CDKL5: variants seen among roughly 807,000 people sequenced by gnomAD.
CDKL5 encodes the protein cyclin-dependent kinase-like 5.
CDKL5 carries 8 observed loss-of-function variants against 61.7 expected under a neutral mutation model. That is an observed-to-expected ratio of 0.13 (90% confidence interval 0.08 to 0.23). The LOEUF (loss-of-function observed/expected upper bound fraction) is 0.23, where lower values mean the gene tolerates loss of function less well. Among genes scored for constraint, CDKL5 ranks in the 10% least tolerant of loss-of-function variants. The pLI is 1.00. For synonymous variants in CDKL5, 275 were observed against 272.3 expected, an observed-to-expected ratio of 1.01 and a Z score of -0.10; for missense variants, 440 against 734.5, an observed-to-expected ratio of 0.60 and a Z score of 4.63.
At position 18,630,704 on chromosome X, in the gene CDKL5, C is replaced by T; in HGVS notation, c.*1947C>T. The T allele has an allele frequency of 2.7e-6, 2 of 748,819 alleles. No homozygotes were observed. Among genetic ancestry groups the T allele is most frequent in the Non-Finnish European group, 3.1e-6 (2 of 635,399 alleles). The allele number at this position is 748,819 out of a possible 1,213,427, so 61.7% of individuals were successfully genotyped here. The stretch of plus-strand genomic sequence containing the variant: ...ATTTAATTTTAATGAGTGTAATAGG[C>T]ACTAAAATGAAACTCGACTGGGTAC... On this transcript the variant is annotated 3_prime_UTR_variant, in exon 18 of 18. Coordinates refer to ENST00000623535, the MANE Select transcript of CDKL5 (RefSeq NM_001323289.2).
At chrX:18,609,355 C>G (rs975738076) in intron 13 of CDKL5, 110 bp from the exon 14 acceptor site, 1 of 1,159,838 alleles carries the variant, frequency 8.6e-7, no homozygotes, top group Non-Finnish European at 1.2e-6. Flanking sequence ...GATCCTACTA[C>G]TGCACTACAG....
In CDKL5 at chrX:18,509,199, A is replaced by ACGCGCGCGCGCG. The variant is rs1351945385; in HGVS notation, c.65-1620_65-1619insGCGCGCGCGCGC. Among the ~76,000 whole-genome samples, 9 of 44,924 alleles carry ACGCGCGCGCGCG rather than the reference A, an allele frequency of 2.0e-4. No individual in the cohort carries two copies. In the East Asian group the frequency reaches 3.8e-3, roughly 19 times the overall value. 39.0% of individuals were successfully genotyped at this position (44,924 alleles called of 115,157 possible). On this transcript the variant is annotated intron_variant, in intron 2 of 17. Coordinates refer to ENST00000623535, the MANE Select transcript of CDKL5 (RefSeq NM_001323289.2). ...AGAGCGAGACTGTCTCAAAACACGCACACACACACACACACACACACACAC... is the reference window on the plus strand; with the variant it reads ...AGAGCGAGACTGTCTCAAAACACGCACGCGCGCGCGCGCACACACACACACACACACACACAC...
At chrX:18,539,347 T>C (rs182753421) in intron 3 of CDKL5, among the ~76,000 whole-genome samples, 1 of 112,195 alleles carries the variant, frequency 8.9e-6, no homozygotes, top group African/African-American at 3.2e-5. Context: ...TTGAATACTA[T>C]AAATTTCCCT....
At chrX:18,652,476 C>T (rs780677742) in intron 21 of CDKL5, among the ~76,000 whole-genome samples, 1 of 111,830 alleles carries the variant, frequency 8.9e-6, no homozygotes, top group Non-Finnish European at 1.9e-5. Context: ...CGAGACCAGC[C>T]TGGCCAACAC....
intron 1 of CDKL5, among the ~76,000 whole-genome samples, chrX:18,500,210 T>C (rs779522866): frequency 2.7e-5 from 3 of 112,106 alleles, no homozygotes; most frequent in South Asian, 3.7e-4. Flanking sequence ...ATACATGTTA[T>C]ATTTTGATAC....
chrX:18,514,104 CT>C (rs1236057057), intron 3 of CDKL5, among the ~76,000 whole-genome samples: 1 of 110,842 alleles, frequency 9.0e-6, no homozygotes, highest in Non-Finnish European at 1.9e-5. Context: ...CTTTTTTAAT[CT>C]GTGTACTGTT....
At chrX:18,538,845 A>C (rs1387150650) in intron 3 of CDKL5, among the ~76,000 whole-genome samples, 1 of 112,302 alleles carries the variant, frequency 8.9e-6, no homozygotes, top group East Asian at 2.8e-4. Flanking sequence ...CAGCAAACCT[A>C]TTTGAGCTTG....
At chrX:18,599,119 C>A (rs1359469081) in intron 11 of CDKL5, among the ~76,000 whole-genome samples, 2 of 112,430 alleles carry the variant, frequency 1.8e-5, no homozygotes, top group Non-Finnish European at 3.8e-5. Flanking sequence ...ATTAATTTTT[C>A]ATAAGAATAA....
At chrX:18,568,277 A>G (rs1412695772) in intron 4 of CDKL5, among the ~76,000 whole-genome samples, 3 of 112,245 alleles carry the variant, frequency 2.7e-5, no homozygotes, top group Non-Finnish European at 5.6e-5. Context: ...TGTTAAATTC[A>G]TATATATTCA....
At chrX:18,518,389 T>TC (rs2147100384) in intron 3 of CDKL5, among the ~76,000 whole-genome samples, 1 of 22,796 alleles carries the variant, frequency 4.4e-5, no homozygotes, top group African/African-American at 3.4e-4. Flanking sequence ...TCTTTTCTTA[T>TC]TTTTTTTTTT....
chrX:18,531,980 A>G (rs1259677083), intron 3 of CDKL5, among the ~76,000 whole-genome samples: 1 of 111,420 alleles, frequency 9.0e-6, no homozygotes, highest in Non-Finnish European at 1.9e-5. Flanking sequence ...TGCTGGGATT[A>G]CAGGCGTGAG....
chrX:18,580,552 C>T (rs1447229788), intron 6 of CDKL5, among the ~76,000 whole-genome samples: 1 of 111,360 alleles, frequency 9.0e-6, no homozygotes, highest in African/African-American at 3.3e-5. Context: ...TAATTATACT[C>T]CCATAAACTG....
intron 9 of CDKL5, among the ~76,000 whole-genome samples, chrX:18,591,043 C>T (rs1398689778): frequency 9.0e-6 from 1 of 110,592 alleles, no homozygotes; most frequent in Non-Finnish European, 1.9e-5. Flanking sequence ...CCCATGGCTG[C>T]TTCTCCTGGC....
At chrX:18,428,357 A>G (rs1395494731) in intron 1 of CDKL5, among the ~76,000 whole-genome samples, 1 of 112,408 alleles carries the variant, frequency 8.9e-6, no homozygotes, top group Non-Finnish European at 1.9e-5. Context: ...TGGCTGTAAG[A>G]AATTTGCAAA....
intron 3 of CDKL5, among the ~76,000 whole-genome samples, chrX:18,540,073 T>C (rs560376815): frequency 1.8e-5 from 2 of 112,613 alleles, no homozygotes; most frequent in Non-Finnish European, 3.8e-5. Flanking sequence ...GATAGTCTTA[T>C]ATTCCCCACC....
chrX:18,634,823 G>A lies in CDKL5; in HGVS notation c.*6066G>A, dbSNP rs1201056843. On this transcript the variant is annotated 3_prime_UTR_variant, in exon 18 of 18. Transcript: ENST00000623535. The stretch of plus-strand genomic sequence containing the variant: ...CATTTTGAATTCAGGTAGTTATTCT[G>A]TATATACTTAGCTAACTATTCAGAG... The A allele has an allele frequency of 1.3e-6, 1 of 748,110 alleles. No individual in the cohort carries two copies. Among genetic ancestry groups the A allele is most frequent in the Non-Finnish European group, 1.6e-6 (1 of 636,442 alleles). 61.7% of individuals were successfully genotyped at this position (748,110 alleles called of 1,213,427 possible). A position where few individuals can be genotyped will look rare whatever the true frequency, so the allele number is the denominator to read the frequency against.
chrX:18,458,273 T>C (rs1477119496), intron 1 of CDKL5, among the ~76,000 whole-genome samples: 2 of 110,427 alleles, frequency 1.8e-5, no homozygotes, highest in Non-Finnish European at 3.8e-5. Context: ...TGATGCTGCT[T>C]ACAACTAGTA....
intron 3 of CDKL5, among the ~76,000 whole-genome samples, chrX:18,529,634 G>A (rs1923571192): frequency 9.1e-6 from 1 of 110,478 alleles, no homozygotes; most frequent in African/African-American, 3.3e-5. Context: ...TAACTTTGAG[G>A]TAGAGTTTTT....
At chrX:18,461,047 C>T (rs1170850020) in intron 1 of CDKL5, among the ~76,000 whole-genome samples, 1 of 112,362 alleles carries the variant, frequency 8.9e-6, no homozygotes, top group Non-Finnish European at 1.9e-5. Flanking sequence ...GCAAAAGTTT[C>T]CTGAATCTTT....
Sources: allele counts gnomAD v4.1 joint callset (sites outside exome capture counted in the v4.1 genomes callset), GRCh38; gene constraint gnomAD v4.1.1; transcripts MANE v1.5; gene names NCBI Gene and HGNC (gene_info 2026-07-23, HGNC 2026-07-21).